Variants in TRIM24 observed in about 807,000 individuals in gnomAD.
TRIM24 encodes the protein transcription intermediary factor 1-alpha.
Under a neutral mutation model 123.9 loss-of-function variants are expected in TRIM24, and 29 were observed. The observed-to-expected ratio is 0.23, with a 90% CI of 0.17 to 0.32. The LOEUF is 0.32. Among genes scored for constraint, TRIM24 ranks in the 10% least tolerant of loss-of-function variants. TRIM24 has a pLI of 1.00. For missense variants in TRIM24, 932 were observed against 1,295.3 expected, an observed-to-expected ratio of 0.72 and a Z score of 4.31; for synonymous variants, 456 against 461.1, an observed-to-expected ratio of 0.99 and a Z score of 0.14.
chr7:138,552,981 G>T (rs539282174), intron 8 of TRIM24, among the ~76,000 whole-genome samples: 3 of 152,158 alleles, frequency 2.0e-5, no homozygotes, highest in African/African-American at 7.2e-5. Flanking sequence ...ATCACAATAG[G>T]TAAATACACC....
At chr7:138,567,284 G>A (rs551047095) in intron 9 of TRIM24, among the ~76,000 whole-genome samples, 197 bp from the exon 10 acceptor site, 1 of 152,004 alleles carries the variant, frequency 6.6e-6, no homozygotes, top group East Asian at 1.9e-4. Context: ...TCCTAGTAAG[G>A]TTCTTTTAAA....
intron 17 of TRIM24, among the ~76,000 whole-genome samples, chr7:138,582,962 C>CTT (rs1022065726): frequency 1.3e-5 from 2 of 152,164 alleles, no homozygotes; most frequent in African/African-American, 4.8e-5. Flanking sequence ...TTGAATTGTA[C>CTT]TTTTTATTAT....
intron 1 of TRIM24, among the ~76,000 whole-genome samples, chr7:138,483,903 A>G (rs1467952805): frequency 6.6e-6 from 1 of 152,130 alleles, no homozygotes; most frequent in Non-Finnish European, 1.5e-5. Context: ...TCGCTTTGAT[A>G]AAGAGTATTT....
intron 1 of TRIM24, among the ~76,000 whole-genome samples, chr7:138,470,320 A>T (rs1179003988): frequency 6.6e-6 from 1 of 151,828 alleles, no homozygotes; most frequent in Non-Finnish European, 1.5e-5. Context: ...TAGTAGAGAC[A>T]GGGTTTCACT....
At chr7:138,466,911 A>AT (rs967607953) in intron 1 of TRIM24, among the ~76,000 whole-genome samples, 2 of 152,092 alleles carry the variant, frequency 1.3e-5, no homozygotes, top group African/African-American at 4.8e-5. Context: ...TTAACCCAGC[A>AT]TTTTTATAGT....
chr7:138,567,866 A>G (rs1027022992), intron 10 of TRIM24, among the ~76,000 whole-genome samples: 3 of 152,212 alleles, frequency 2.0e-5, no homozygotes, highest in African/African-American at 7.2e-5. Flanking sequence ...AATATAATCA[A>G]TGACCATAGG....
At chr7:138,550,259 C>T (rs1352983781) in intron 7 of TRIM24, among the ~76,000 whole-genome samples, 1 of 151,270 alleles carries the variant, frequency 6.6e-6, no homozygotes, top group African/African-American at 2.4e-5. Context: ...TTATCTAGGG[C>T]AAACGTTGAG....
chr7:138,531,538 G>T (rs545132947), intron 6 of TRIM24, among the ~76,000 whole-genome samples: 43 of 152,218 alleles, frequency 2.8e-4, no homozygotes, highest in African/African-American at 1.0e-3. Context: ...CTCTACAAAG[G>T]ACATGAACTC....
Position 138,570,850 on chromosome 7 carries a change from G to A in TRIM24, c.1725G>A (p.Gln575=), listed in dbSNP as rs1309505279. The A allele has an allele frequency of 6.2e-7, 1 of 1,614,020 alleles. No individual in the cohort carries two copies. The highest frequency in any genetic ancestry group is 8.5e-7 in the Non-Finnish European group (1 of 1,179,978). ...TGTAGTGGCAGATCAGCAGTGGACAGGGAACCCCATCAACTACCAACAGCA... is the reference window on the plus strand; with the variant it reads ...TGTAGTGGCAGATCAGCAGTGGACAAGGAACCCCATCAACTACCAACAGCA... ...AIKQWQISSG[Q]GTPSTTNSTS... is the part of the protein sequence containing the mutation. The change falls in exon 11 of 19, where the codon CAG becomes CAA. Residue 575 remains glutamine, a synonymous_variant. Transcript: ENST00000343526.
intron 5 of TRIM24, among the ~76,000 whole-genome samples, chr7:138,526,153 A>G (rs1045272275): frequency 2.0e-5 from 3 of 152,232 alleles, no homozygotes; most frequent in East Asian, 1.9e-4. Context: ...CCTCACAGAG[A>G]ATTTAAATGT....
At chr7:138,571,630 T>A (rs1797658477) in intron 11 of TRIM24, among the ~76,000 whole-genome samples, 1 of 152,230 alleles carries the variant, frequency 6.6e-6, no homozygotes, top group South Asian at 2.1e-4. Context: ...TGTTAGATCA[T>A]ACTGACAAGT....
At chr7:138,528,770 T>C (rs1336876774) in intron 5 of TRIM24, among the ~76,000 whole-genome samples, 1 of 74,848 alleles carries the variant, frequency 1.3e-5, no homozygotes, top group Non-Finnish European at 2.7e-5. Flanking sequence ...TAAATCCTTT[T>C]TGGTCCACCC....
chr7:138,564,904 A>G (rs1272067855), intron 9 of TRIM24, among the ~76,000 whole-genome samples: 1 of 152,150 alleles, frequency 6.6e-6, no homozygotes, highest in Non-Finnish European at 1.5e-5. Flanking sequence ...TCCCAGTTAC[A>G]GCGCAACACA....
At position 138,554,805 on chromosome 7, in the gene TRIM24, T is replaced by C; in HGVS notation, c.1369T>C (p.Ser457Pro). 6.2e-7 allele frequency: 1 copy of C among 1,614,232 alleles called. No homozygotes were observed. Among genetic ancestry groups the C allele is most frequent in the Non-Finnish European group, 8.5e-7 (1 of 1,180,024 alleles). Reference sequence around the variant, plus strand: ...AAGTGGTTTATCATCAAACCAGTTATCCAAGTTCCCAACACAGATCAGCCT... The same window carrying C: ...AAGTGGTTTATCATCAAACCAGTTACCCAAGTTCCCAACACAGATCAGCCT... ...PPSGLSSNQL[S>P]KFPTQISLAQ... The change falls in exon 9 of 19, where the codon TCC becomes CCC. Residue 457 changes from serine to proline, a missense_variant. This residue lies in a region of TRIM24 where 527 missense variants were observed against 691.3 expected (regional missense o/e 0.76). Coordinates refer to ENST00000343526, the MANE Select transcript of TRIM24 (RefSeq NM_015905.3). This position sits in a 1 kb window ranked among gnomAD's most constrained non-coding sequence, Gnocchi z 4.5.
chr7:138,580,476 A>G (rs1797869550), intron 15 of TRIM24, 86 bp from the exon 16 acceptor site: 6 of 1,493,550 alleles, frequency 4.0e-6, no homozygotes, highest in Non-Finnish European at 5.4e-6. Context: ...TCTGTATCAT[A>G]GATGTCATGG....
intron 1 of TRIM24, among the ~76,000 whole-genome samples, chr7:138,495,364 T>C (rs1182149786): frequency 1.3e-5 from 2 of 152,188 alleles, no homozygotes; most frequent in African/African-American, 4.8e-5. Flanking sequence ...TATTATTGAT[T>C]CTGACAGTCT....
chr7:138,515,719 T>G (rs1384273025), intron 3 of TRIM24, among the ~76,000 whole-genome samples: 1 of 152,234 alleles, frequency 6.6e-6, no homozygotes, highest in African/African-American at 2.4e-5. Context: ...ATTCTTGTTG[T>G]AAACCTGCAT....
In TRIM24 at chr7:138,577,638, A is replaced by G. The variant is rs773619674; in HGVS notation, c.2256+50A>G. On this transcript the variant is annotated intron_variant, in intron 14 of 18. Coordinates refer to ENST00000343526, the MANE Select transcript of TRIM24 (RefSeq NM_015905.3). The stretch of plus-strand genomic sequence containing the variant: ...ATTCCTATGCATGGTGGGTAGGGTG[A>G]GAGAATCTTTTAAATAGCTCTTAGG... 60 of 1,421,754 alleles carry G rather than the reference A, an allele frequency of 4.2e-5. No individual in the cohort carries two copies. The East Asian group carries it at 8.8e-4, about 21-fold the overall frequency. The allele number at this position is 1,421,754 out of a possible 1,614,324, so 88.1% of individuals were successfully genotyped here. A position where few individuals can be genotyped will look rare whatever the true frequency, so the allele number is the denominator to read the frequency against.
At chr7:138,494,099 A>T (rs940882533) in intron 1 of TRIM24, among the ~76,000 whole-genome samples, 1 of 151,984 alleles carries the variant, frequency 6.6e-6, no homozygotes. Flanking sequence ...ATCTCGCCTC[A>T]GCCTCCCAAG....
Sources: gnomAD v4.1 joint callset for allele counts (sites outside exome capture counted in the v4.1 genomes callset) on GRCh38, gnomAD v4.1.1 for gene constraint, gnomAD v4.1.1 regional missense constraint, Gnocchi (gnomAD v3.1) non-coding constraint, MANE v1.5 for transcripts, NCBI Gene and HGNC (gene_info 2026-07-23, HGNC 2026-07-21) for gene names.